The following ENPP1 variants were observed in gnomAD, a reference collection of about 807,000 sequenced individuals.
ENPP1 encodes ectonucleotide pyrophosphatase/phosphodiesterase 1.
Under a neutral mutation model 122.8 loss-of-function variants are expected in ENPP1, and 73 were observed. The ratio of observed to expected loss-of-function variants is 0.59; its 90% confidence interval spans 0.49 to 0.72. The LOEUF (loss-of-function observed/expected upper bound fraction) is 0.72. ENPP1 is among the 30% of genes least tolerant of loss of function. ENPP1 has a pLI of 0.00. For synonymous variants in ENPP1, 367 were observed against 391.6 expected, an observed-to-expected ratio of 0.94 and a Z score of 0.74; for missense variants, 978 against 1,128.1, an observed-to-expected ratio of 0.87 and a Z score of 1.91.
intron 1 of ENPP1, among the ~76,000 whole-genome samples, chr6:131,831,817 A>G (rs1249038821): frequency 6.6e-6 from 1 of 152,156 alleles, no homozygotes; most frequent in Non-Finnish European, 1.5e-5. Context: ...TCTTTGCTGT[A>G]AAGATACTCT....
rs1031686621 is a variant in ENPP1 at position 131,890,862 on chromosome 6, C to G, written c.*351C>G. The G allele has an allele frequency of 3.6e-6, 1 of 280,428 alleles. No homozygotes were observed. The highest frequency in any genetic ancestry group is 2.2e-5 in the African/African-American group (1 of 45,462). The allele number at this position is 280,428 out of a possible 1,614,324, so 17.4% of individuals were successfully genotyped here. On this transcript the variant is annotated 3_prime_UTR_variant, in exon 25 of 25. Transcript: ENST00000647893. ...AATCTTTCTTACTATTGGTAATAAA[C>G]CTTGATGGCATTGGGCAAACAGTAG... is the stretch of plus-strand genomic sequence containing the variant.
At chr6:131,852,431 G>A (rs1259674603) in intron 5 of ENPP1, among the ~76,000 whole-genome samples, 196 bp downstream of exon 5, 1 of 152,126 alleles carries the variant, frequency 6.6e-6, no homozygotes, top group Non-Finnish European at 1.5e-5. Flanking sequence ...CAATATTTGA[G>A]TTATACCAGT....
At chr6:131,829,507 G>A (rs1781584972) in intron 1 of ENPP1, among the ~76,000 whole-genome samples, 1 of 152,124 alleles carries the variant, frequency 6.6e-6, no homozygotes, top group South Asian at 2.1e-4. Flanking sequence ...TGTGCCTTGG[G>A]ATGTCTGTCT....
chr6:131,837,593 C>T (rs191093164), intron 1 of ENPP1, among the ~76,000 whole-genome samples: 1 of 151,640 alleles, frequency 6.6e-6, no homozygotes, highest in East Asian at 1.9e-4. Context: ...AATAACTCTT[C>T]CATTACTTCT....
chr6:131,866,706 C>G (rs920396018), intron 11 of ENPP1, among the ~76,000 whole-genome samples: 1 of 152,166 alleles, frequency 6.6e-6, no homozygotes, highest in African/African-American at 2.4e-5. Context: ...CTCCATTGTG[C>G]CTTCCTTTCA....
chr6:131,844,689 G>A (rs1016146299), intron 1 of ENPP1, among the ~76,000 whole-genome samples: 1 of 152,200 alleles, frequency 6.6e-6, no homozygotes, highest in Non-Finnish European at 1.5e-5. Context: ...TGCTAACACT[G>A]CCATGGTGCA....
intron 1 of ENPP1, among the ~76,000 whole-genome samples, chr6:131,832,034 T>G (rs1468431843): frequency 6.6e-6 from 1 of 152,220 alleles, no homozygotes; most frequent in Non-Finnish European, 1.5e-5. Context: ...TTTTTCATGT[T>G]TTTGCTTAAC....
chr6:131,831,110 C>G (rs12208848), intron 1 of ENPP1, among the ~76,000 whole-genome samples: 1 of 78,384 alleles, frequency 1.3e-5, no homozygotes, highest in African/African-American at 6.1e-5. Context: ...GACAGCCCAT[C>G]TCTCAAAAAA....
intron 1 of ENPP1, among the ~76,000 whole-genome samples, chr6:131,822,306 G>A (rs1585793752): frequency 2.6e-5 from 4 of 152,122 alleles, no homozygotes; most frequent in Admixed American, 2.6e-4. Flanking sequence ...GGGTCTAAAC[G>A]GGAATCACAT....
Position 131,890,579 on chromosome 6 carries a change from C to A in ENPP1, c.*68C>A. 2 of 1,300,750 alleles carry A rather than the reference C, an allele frequency of 1.5e-6. No homozygotes were observed. Among genetic ancestry groups the A allele is most frequent in the Non-Finnish European group, 2.2e-6 (2 of 896,468 alleles). The allele number at this position is 1,300,750 out of a possible 1,614,324, so 80.6% of individuals were successfully genotyped here. A position where few individuals can be genotyped will look rare whatever the true frequency, so the allele number is the denominator to read the frequency against. On this transcript the variant is annotated 3_prime_UTR_variant, in exon 25 of 25. Coordinates refer to ENST00000647893, the MANE Select transcript of ENPP1 (RefSeq NM_006208.3). ...CCTTATATTTTATATAGTCCTCTAGCTACACTATTGCATTGTTCAGAAACT... is the reference window on the plus strand; with the variant it reads ...CCTTATATTTTATATAGTCCTCTAGATACACTATTGCATTGTTCAGAAACT...
Position 131,891,262 on chromosome 6 carries a change from A to G in ENPP1, c.*751A>G, listed in dbSNP as rs960632618. On this transcript the variant is annotated 3_prime_UTR_variant, in exon 25 of 25. Coordinates refer to ENST00000647893, the MANE Select transcript of ENPP1 (RefSeq NM_006208.3). Reference sequence around the variant, plus strand: ...TCACTGGTAATTAACATAGGTTTAAAATGGCTTCAAATGTGGCCCTATAGA... The same window carrying G: ...TCACTGGTAATTAACATAGGTTTAAGATGGCTTCAAATGTGGCCCTATAGA... 1.1e-4 allele frequency: 17 copies of G among 152,276 alleles called. No individual in the cohort carries two copies. The highest frequency in any genetic ancestry group is 3.6e-4 in the African/African-American group (15 of 41,460). 9.4% of individuals were successfully genotyped at this position (152,276 alleles called of 1,614,324 possible).
intron 20 of ENPP1, among the ~76,000 whole-genome samples, chr6:131,881,262 C>A (rs1202526960): frequency 6.6e-6 from 1 of 151,918 alleles, no homozygotes; most frequent in Non-Finnish European, 1.5e-5. Flanking sequence ...TATAAAATTT[C>A]TTGAACTTTG....
At chr6:131,844,157 AT>A (rs1465796048) in intron 1 of ENPP1, among the ~76,000 whole-genome samples, 1 of 152,248 alleles carries the variant, frequency 6.6e-6, no homozygotes, top group African/African-American at 2.4e-5. Context: ...CAGTTTTGAA[AT>A]AAACACCTTG....
At chr6:131,881,024 G>A (rs1222998140) in intron 20 of ENPP1, among the ~76,000 whole-genome samples, 5 of 152,074 alleles carry the variant, frequency 3.3e-5, no homozygotes, top group South Asian at 2.1e-4. Flanking sequence ...TTGATCTTAC[G>A]TGGAATTGAA....
intron 1 of ENPP1, among the ~76,000 whole-genome samples, chr6:131,811,409 T>TA (rs1303023417): frequency 6.8e-6 from 1 of 147,948 alleles, no homozygotes; most frequent in Non-Finnish European, 1.5e-5. Flanking sequence ...TCTATATCTA[T>TA]ATCTATATCT....
intron 1 of ENPP1, among the ~76,000 whole-genome samples, chr6:131,811,212 AT>A (rs563830911): frequency 4.0e-5 from 6 of 151,636 alleles, no homozygotes; most frequent in African/African-American, 4.8e-5. Flanking sequence ...CCTCAAAAGC[AT>A]TTTTTTTGTG....
intron 1 of ENPP1, among the ~76,000 whole-genome samples, chr6:131,845,359 T>G (rs1312449657): frequency 6.6e-6 from 1 of 151,826 alleles, no homozygotes; most frequent in East Asian, 1.9e-4. Context: ...TGTTTTAAAT[T>G]ATAATACACT....
intron 1 of ENPP1, among the ~76,000 whole-genome samples, chr6:131,838,660 A>G (rs1781705438): frequency 6.6e-6 from 1 of 151,904 alleles, no homozygotes; most frequent in Admixed American, 6.5e-5. Context: ...GAGTAAGACC[A>G]GAAATTAATA....
chr6:131,832,814 A>G (rs1781630645), intron 1 of ENPP1, among the ~76,000 whole-genome samples: 1 of 152,188 alleles, frequency 6.6e-6, no homozygotes, highest in South Asian at 2.1e-4. Flanking sequence ...GGGATTCCTC[A>G]TAGCATGGTG....
Sources: gnomAD v4.1 joint callset for allele counts (sites outside exome capture counted in the v4.1 genomes callset) on GRCh38, gnomAD v4.1.1 for gene constraint, MANE v1.5 for transcripts, NCBI Gene and HGNC (gene_info 2026-07-23, HGNC 2026-07-21) for gene names.